The following SMTN variants were observed in gnomAD, a reference collection of about 807,000 sequenced individuals.
SMTN encodes smoothelin.
A neutral mutation model predicts 102.0 loss-of-function variants in SMTN; 58 were observed. The ratio of observed to expected loss-of-function variants is 0.57; its 90% CI spans 0.46 to 0.71. The LOEUF (loss-of-function observed/expected upper bound fraction) is 0.71. Ranked by LOEUF, SMTN falls within the 30% of genes least tolerant of loss-of-function variation. The pLI is 0.00. For synonymous variants in SMTN, 478 were observed against 497.9 expected (o/e 0.96, Z 0.53); for missense variants, 1,185 against 1,241.7 (o/e 0.95, Z 0.69).
chr22:31,085,232 G>A (rs777979944), intron 2 of SMTN: 92 of 1,533,090 alleles, frequency 6.0e-5, no homozygotes, highest in Admixed American at 1.2e-4. Context: ...GGACACTGAA[G>A]CAGGCGGTAG....
At chr22:31,093,634 G>A (rs1269952294) in intron 11 of SMTN, 4 of 770,646 alleles carry the variant, frequency 5.2e-6, no homozygotes, top group South Asian at 4.2e-5. Flanking sequence ...GGCAGAGAGA[G>A]CAGCACTGAG....
intron 14 of SMTN, 44 bp from the exon 15 acceptor site, chr22:31,096,954 G>A (rs901828483): frequency 1.9e-6 from 3 of 1,613,164 alleles, no homozygotes; most frequent in Non-Finnish European, 2.5e-6. Context: ...TCCTCCCCCA[G>A]CCCCCTGTGC....
intron 2 of SMTN, chr22:31,085,132 G>A (rs1395356096): frequency 2.0e-6 from 3 of 1,535,414 alleles, no homozygotes; most frequent in Middle Eastern, 1.7e-4. Flanking sequence ...CCACCCGCCG[G>A]GACGCCCTCT....
intron 11 of SMTN, chr22:31,092,422 G>C: frequency 2.1e-6 from 1 of 469,664 alleles, no homozygotes. Context: ...CAGGTGCCTT[G>C]GGAACTGAAT....
intron 11 of SMTN, among the ~76,000 whole-genome samples, chr22:31,094,120 C>T (rs1452798074): frequency 6.6e-6 from 1 of 152,242 alleles, no homozygotes; most frequent in Non-Finnish European, 1.5e-5. Context: ...CCGCCCTGCA[C>T]CCTGGCCAGA....
At chr22:31,091,936 C>A in intron 11 of SMTN, 89 bp downstream of exon 11, 1 of 1,210,604 alleles carries the variant, frequency 8.3e-7, no homozygotes, top group South Asian at 1.6e-5. Flanking sequence ...TTCCTCTGCT[C>A]CTCCCCTACT....
intron 1 of SMTN, among the ~76,000 whole-genome samples, chr22:31,076,010 C>T (rs1013274628): frequency 4.1e-5 from 6 of 146,662 alleles, no homozygotes; most frequent in South Asian, 4.2e-4. Context: ...TTAGGCCCGG[C>T]GTCCTCATCT....
At chr22:31,084,906 C>T (rs1367463213) in intron 2 of SMTN, 1 of 1,275,326 alleles carries the variant, frequency 7.8e-7, no homozygotes, top group African/African-American at 1.6e-5. Context: ...GGCCTCGTGG[C>T]AAGAACGGGG....
chr22:31,098,612 A>G (rs2043800267), intron 16 of SMTN, 55 bp from the exon 17 acceptor site: 1 of 1,575,188 alleles, frequency 6.3e-7, no homozygotes, highest in Non-Finnish European at 8.7e-7. Context: ...GTGGTGGTCC[A>G]GGCTGGGGAG....
chr22:31,100,117 A>G (rs2043953707), intron 19 of SMTN, among the ~76,000 whole-genome samples: 1 of 150,646 alleles, frequency 6.6e-6, no homozygotes, highest in African/African-American at 2.4e-5. Flanking sequence ...AGGCCGGCCT[A>G]CCAGCCCGGG....
chr22:31,103,962 G>A (rs2044294854), intron 20 of SMTN: 1 of 278,162 alleles, frequency 3.6e-6, no homozygotes, highest in Non-Finnish European at 6.9e-6. Flanking sequence ...ACCAACTGGA[G>A]TGTGCCAGTG....
intron 3 of SMTN, 117 bp downstream of exon 3, chr22:31,088,230 A>T: frequency 4.2e-6 from 5 of 1,192,804 alleles, no homozygotes; most frequent in Non-Finnish European, 5.8e-6. Context: ...TGCTAATGGC[A>T]GTACGTCCAC....
intron 10 of SMTN, 55 bp from the exon 11 acceptor site, chr22:31,091,620 G>C: frequency 6.5e-7 from 1 of 1,536,450 alleles, no homozygotes; most frequent in Non-Finnish European, 8.8e-7. Flanking sequence ...AACCTTGTCT[G>C]GCACTGCCCT....
At chr22:31,069,689 G>C (rs998990296) in intron 1 of SMTN, among the ~76,000 whole-genome samples, 1 of 152,138 alleles carries the variant, frequency 6.6e-6, no homozygotes, top group African/African-American at 2.4e-5. Flanking sequence ...ACGAACTCAC[G>C]GCCACAGGCA....
chr22:31,088,094 A>C lies in SMTN; in HGVS notation c.181A>C (p.Asn61His). 1 of 1,604,966 alleles carries C rather than the reference A, an allele frequency of 6.2e-7. No homozygotes were observed. The highest frequency in any genetic ancestry group is 8.5e-7 in the Non-Finnish European group (1 of 1,173,912). The change falls in exon 3 of 21, where the codon AAC becomes CAC. Residue 61 changes from asparagine to histidine, a missense_variant. Coordinates refer to ENST00000333137, the MANE Select transcript of SMTN (RefSeq NM_134269.3). The part of the protein sequence containing the change: ...SKRFRAERQD[N>H]KENWLHSQQR... ...GCGTTTCCGTGCCGAGCGGCAGGAC[A>C]ACAAGGAGAACTGGCTGCAGTGAGT...
intron 1 of SMTN, among the ~76,000 whole-genome samples, chr22:31,072,234 G>C (rs1157244527): frequency 2.0e-5 from 3 of 152,144 alleles, no homozygotes; most frequent in African/African-American, 7.2e-5. Flanking sequence ...ACCTTATAAG[G>C]TTGGAAGTAT....
intron 2 of SMTN, among the ~76,000 whole-genome samples, chr22:31,087,469 A>G (rs11704577): frequency 0.047 from 7,170 of 152,260 alleles, 211 homozygotes; most frequent in Middle Eastern, 0.088. Flanking sequence ...CAGTTTCCCC[A>G]TCTGTGGATG....
chr22:31,097,365 C>T (rs1006453286), intron 16 of SMTN, 27 bp downstream of exon 16: 1 of 1,602,314 alleles, frequency 6.2e-7, no homozygotes, highest in South Asian at 1.1e-5. Context: ...AATCCCTGAC[C>T]ATAGAGGAGT....
rs1177836366 is a variant in SMTN at position 31,089,907 on chromosome 22, C to A, written c.680C>A (p.Thr227Lys). ...PLEPAEAQCL[T>K]AEVPGSPEPP... ...GAGCCTGCCGAGGCCCAGTGCCTTA[C>A]AGCTGAGGTTCCAGGCAGCCCAGAG... Residue 227 changes from threonine to lysine, a missense_variant, in exon 7 of 21, where the codon ACA becomes AAA. By Grantham distance (78) the Thr-to-Lys change is moderately conservative. Around this residue, in one of 2 missense-constraint regions of SMTN, gnomAD observed 1,096 missense variants for 1,112.7 expected, o/e 0.98. Coordinates refer to ENST00000333137, the MANE Select transcript of SMTN (RefSeq NM_134269.3). 1.2e-6 allele frequency: 2 copies of A among 1,612,530 alleles called. No individual in the cohort carries two copies. The highest frequency in any genetic ancestry group is 1.7e-6 in the Non-Finnish European group (2 of 1,179,326).
Sources: gnomAD v4.1 joint callset for allele counts (sites outside exome capture counted in the v4.1 genomes callset) on GRCh38, gnomAD v4.1.1 for gene constraint, gnomAD v4.1.1 regional missense constraint, MANE v1.5 for transcripts, NCBI Gene and HGNC (gene_info 2026-07-23, HGNC 2026-07-21) for gene names.